The following PGS1 variants were observed in gnomAD, a reference collection of about 807,000 sequenced individuals.
PGS1 encodes the protein phosphatidylglycerophosphate synthase 1.
PGS1 carries 44 observed loss-of-function variants against 58.3 expected under a neutral mutation model. That is an observed-to-expected ratio of 0.75 (90% confidence interval 0.59 to 0.97). PGS1 has a LOEUF of 0.97. Ranked by LOEUF, PGS1 falls within the 50% of genes least tolerant of loss-of-function variation. The pLI is 0.00. For synonymous variants in PGS1, 330 were observed against 311.0 expected (o/e 1.06, Z -0.64); for missense variants, 684 against 731.1 (o/e 0.94, Z 0.74).
At chr17:78,413,112 C>A (rs898649850) in intron 7 of PGS1, among the ~76,000 whole-genome samples, 1 of 152,226 alleles carries the variant, frequency 6.6e-6, no homozygotes, top group Non-Finnish European at 1.5e-5. Context: ...CCCAGCGGAG[C>A]GGTACTGTTT....
At chr17:78,418,208 G>A (rs1029868577) in intron 8 of PGS1, among the ~76,000 whole-genome samples, 5 of 152,086 alleles carry the variant, frequency 3.3e-5, no homozygotes, top group African/African-American at 9.7e-5. Flanking sequence ...GGGATTACAG[G>A]TGTGAGCCAC....
chr17:78,387,817 C>T (rs1207882723), intron 1 of PGS1, among the ~76,000 whole-genome samples: 3 of 152,038 alleles, frequency 2.0e-5, no homozygotes, highest in Non-Finnish European at 4.4e-5. Context: ...AAGTTGGTCT[C>T]GATCTCCTGG....
chr17:78,419,772 C>T (rs1050489579), intron 9 of PGS1, 97 bp downstream of exon 9: 2 of 1,566,224 alleles, frequency 1.3e-6, no homozygotes, highest in African/African-American at 1.3e-5. Flanking sequence ...CCAGAGGGCT[C>T]TTTGATCCCT....
intron 7 of PGS1, among the ~76,000 whole-genome samples, chr17:78,407,601 C>T (rs988739550): frequency 6.6e-6 from 1 of 152,250 alleles, no homozygotes; most frequent in Non-Finnish European, 1.5e-5. Flanking sequence ...TACCTCCACT[C>T]CCTTACTCAG....
intron 7 of PGS1, among the ~76,000 whole-genome samples, chr17:78,412,875 T>C (rs1002524422): frequency 1.3e-5 from 2 of 151,694 alleles, no homozygotes; most frequent in Non-Finnish European, 2.9e-5. Flanking sequence ...GGGAGGAAGC[T>C]CCTGTCTCAG....
In PGS1 at chr17:78,410,025, C is replaced by G. The variant is rs866921306; in HGVS notation, c.1403-4854C>G. ...ACTCGGGAGGTTGAGGCATGAGAAT[C>G]ACTTGAACCTGGGAGACGGAGGTTG... On this transcript the variant is annotated intron_variant, in intron 7 of 9. Transcript: ENST00000262764. Among the ~76,000 whole-genome samples the G allele has an allele frequency of 7.2e-5, 11 of 152,308 alleles. 1 individual carries two copies. The Middle Eastern group carries it at 0.024, about 330-fold the overall frequency.
Position 78,399,458 on chromosome 17 carries a change from A to T in PGS1, c.622A>T (p.Ile208Phe). 1 of 1,614,110 alleles carries T rather than the reference A, an allele frequency of 6.2e-7. No individual in the cohort carries two copies. The highest frequency in any genetic ancestry group is 1.1e-5 in the South Asian group (1 of 91,086). The change falls in exon 5 of 10, where the codon ATC (isoleucine) becomes TTC (phenylalanine). Residue 208 changes from isoleucine to phenylalanine, a missense_variant. Physicochemically the swap from Ile to Phe is conservative, Grantham distance 21. Transcript: ENST00000262764. ...CCTCCGTGGGCTGCTTCGGCTCCTC[A>T]TCCCTGAGCGCTTCAACGAGACCAT... ...PHLRGLLRLL[I>F]PERFNETIGL... is the part of the protein sequence containing the mutation.
intron 8 of PGS1, among the ~76,000 whole-genome samples, chr17:78,416,878 C>T (rs1054932311): frequency 6.6e-6 from 1 of 152,164 alleles, no homozygotes; most frequent in Admixed American, 6.5e-5. Context: ...ACTGCCCAGC[C>T]TCTAGCCTCC....
At chr17:78,398,021 C>T (rs1369429477) in intron 3 of PGS1, 4 of 610,636 alleles carry the variant, frequency 6.6e-6, no homozygotes, top group Non-Finnish European at 1.2e-5. Context: ...CTGCAGGTCC[C>T]TTTCCATTCC....
At chr17:78,420,842 T>A (rs2146354529) in intron 9 of PGS1, 1 of 152,368 alleles carries the variant, frequency 6.6e-6, no homozygotes, top group Middle Eastern at 3.4e-3. Context: ...TGTGCACACG[T>A]GTCCGTATTT....
intron 8 of PGS1, among the ~76,000 whole-genome samples, chr17:78,415,573 A>G (rs531647802): frequency 5.2e-4 from 79 of 152,386 alleles, no homozygotes; most frequent in African/African-American, 1.8e-3. Context: ...CAGAGGTTGC[A>G]GTGAGCCAAG....
In PGS1 at chr17:78,392,499, C is replaced by G; in HGVS notation, c.167C>G (p.Pro56Arg). 1 of 1,612,994 alleles carries G rather than the reference C, an allele frequency of 6.2e-7. No homozygotes were observed. The highest frequency in any genetic ancestry group is 1.1e-5 in the South Asian group (1 of 90,912). Residue 56 changes from proline (P) to arginine (R), a missense_variant, in exon 2 of 10, where the codon CCC (proline) becomes CGC (arginine). Pro to Arg is a moderately radical substitution (Grantham distance 103). Coordinates refer to ENST00000262764, the MANE Select transcript of PGS1 (RefSeq NM_024419.5). ...AGGTCACCATGGCTGTTATTGGCTC[C>G]CTTGCTGTCCCCAGCTGTTCCCCAG... is the stretch of plus-strand genomic sequence containing the variant. Reference protein sequence around the residue: ...RRRSPWLLLAPLLSPAVPQVT... With the variant: ...RRRSPWLLLARLLSPAVPQVT...
At chr17:78,380,304 G>A (rs900361068) in intron 1 of PGS1, among the ~76,000 whole-genome samples, 1 of 152,096 alleles carries the variant, frequency 6.6e-6, no homozygotes, top group Non-Finnish European at 1.5e-5. Context: ...GACCTCCTGG[G>A]GTCAGACATC....
intron 7 of PGS1, among the ~76,000 whole-genome samples, chr17:78,410,583 T>C (rs1035413009): frequency 2.7e-5 from 4 of 147,936 alleles, no homozygotes; most frequent in Non-Finnish European, 4.5e-5. Context: ...AAGCCATTCT[T>C]CTGCTTCAGC....
intron 1 of PGS1, among the ~76,000 whole-genome samples, chr17:78,388,282 C>T (rs1251815389): frequency 1.3e-5 from 2 of 152,166 alleles, no homozygotes; most frequent in Admixed American, 1.3e-4. Context: ...AGTGGGTCTC[C>T]GCAGGTAGGA....
At chr17:78,414,120 C>T (rs767739515) in intron 7 of PGS1, among the ~76,000 whole-genome samples, 1 of 152,236 alleles carries the variant, frequency 6.6e-6, no homozygotes, top group Non-Finnish European at 1.5e-5. Context: ...GCCTGGACCC[C>T]CTTTGTCCTC....
At chr17:78,420,370 C>T in intron 9 of PGS1, 1 of 324,810 alleles carries the variant, frequency 3.1e-6, no homozygotes, top group Non-Finnish European at 4.4e-6. Context: ...CAGGGGGTGG[C>T]TGCCATTAAA....
chr17:78,391,869 C>T (rs1463439245), intron 1 of PGS1, among the ~76,000 whole-genome samples: 1 of 152,188 alleles, frequency 6.6e-6, no homozygotes, highest in African/African-American at 2.4e-5. Flanking sequence ...AGCATTCGTC[C>T]TGCCTTGGCC....
At chr17:78,419,454 G>A (rs2085494377) in intron 8 of PGS1, 92 bp from the exon 9 acceptor site, 3 of 1,130,096 alleles carry the variant, frequency 2.7e-6, no homozygotes, top group Non-Finnish European at 2.7e-6. Flanking sequence ...GGTTTTCTGG[G>A]CTGGCCTGAG....
Sources: allele counts gnomAD v4.1 joint callset (sites outside exome capture counted in the v4.1 genomes callset), GRCh38; gene constraint gnomAD v4.1.1; transcripts MANE v1.5; gene names NCBI Gene and HGNC (gene_info 2026-07-23, HGNC 2026-07-21).